MEGF10: variants seen among roughly 807,000 people sequenced by gnomAD.
MEGF10 encodes multiple EGF like domains 10, also known as multiple epidermal growth factor-like domains protein 10.
In MEGF10, 86 loss-of-function variants were observed where a neutral mutation model predicts 147.5. The ratio of observed to expected loss-of-function variants is 0.58; its 90% CI spans 0.49 to 0.70. The LOEUF (loss-of-function observed/expected upper bound fraction) is 0.70, where lower values mean the gene tolerates loss of function less well. MEGF10 is among the 30% of genes least tolerant of loss of function. The pLI is 0.00. For synonymous variants in MEGF10, 478 were observed against 525.5 expected, an observed-to-expected ratio of 0.91 and a Z score of 1.24; for missense variants, 1,329 against 1,487.3, an observed-to-expected ratio of 0.89 and a Z score of 1.75.
chr5:127,356,891 T>C (rs1406354487), intron 4 of MEGF10, among the ~76,000 whole-genome samples: 1 of 152,200 alleles, frequency 6.6e-6, no homozygotes, highest in Non-Finnish European at 1.5e-5. Flanking sequence ...AGTAAAGGCA[T>C]GTCTCAAACT....
At chr5:127,318,862 C>G (rs746460348) in intron 1 of MEGF10, among the ~76,000 whole-genome samples, 1 of 152,102 alleles carries the variant, frequency 6.6e-6, no homozygotes, top group Non-Finnish European at 1.5e-5. Context: ...AATATTTTTA[C>G]GGTACATAAG....
the MEGF10 span, among the ~76,000 whole-genome samples, chr5:127,260,303 C>T: frequency 6.6e-6 from 1 of 152,202 alleles, no homozygotes; most frequent in East Asian, 1.9e-4. Flanking sequence ...TTTCTCTACA[C>T]TGCCTCTGAC....
In MEGF10 at chr5:127,398,648, T is replaced by C. The variant is rs746435319; in HGVS notation, c.660-28T>C. 7.4e-6 allele frequency: 12 copies of C among 1,613,814 alleles called. No individual in the cohort carries two copies. In the South Asian group the frequency reaches 1.1e-4, roughly 15 times the overall value. ...GGGTCATGTGTCTGGGAAATAACAG[T>C]GTCCTTTGTCACATGTTAATCCCTC... On this transcript the variant is annotated intron_variant, in intron 6 of 24. Coordinates refer to ENST00000503335, the MANE Select transcript of MEGF10 (RefSeq NM_001256545.2).
chr5:127,389,121 G>T (rs1317823368), intron 5 of MEGF10, among the ~76,000 whole-genome samples: 1 of 152,170 alleles, frequency 6.6e-6, no homozygotes. Context: ...AGAAAGCCTT[G>T]GGTTTGAGTA....
At chr5:127,328,544 C>T (rs1224556654) in intron 1 of MEGF10, among the ~76,000 whole-genome samples, 2 of 152,120 alleles carry the variant, frequency 1.3e-5, no homozygotes, top group East Asian at 1.9e-4. Context: ...GCATCAGATA[C>T]AAAGCAAGAA....
chr5:127,314,921 G>C (rs1392412846), intron 1 of MEGF10, among the ~76,000 whole-genome samples: 1 of 152,170 alleles, frequency 6.6e-6, no homozygotes, highest in Non-Finnish European at 1.5e-5. Context: ...TATTCATTGT[G>C]ATGGGGTGCA....
the MEGF10 span, among the ~76,000 whole-genome samples, chr5:127,263,393 A>C: frequency 3.3e-5 from 5 of 152,108 alleles, no homozygotes; most frequent in Admixed American, 1.3e-4. Context: ...TCCAGTTATG[A>C]CTAAGCAGGT....
chr5:127,404,479 C>T (rs1393059015), intron 8 of MEGF10, among the ~76,000 whole-genome samples: 2 of 152,110 alleles, frequency 1.3e-5, no homozygotes, highest in Non-Finnish European at 2.9e-5. Context: ...AATACTTTAT[C>T]TCATTCTGTG....
At chr5:127,447,072 A>G (rs940403236) in intron 20 of MEGF10, among the ~76,000 whole-genome samples, 2 of 152,164 alleles carry the variant, frequency 1.3e-5, no homozygotes, top group African/African-American at 2.4e-5. Flanking sequence ...TTAGGAAGGT[A>G]GAGGCCTGTT....
chr5:127,234,222 T>C, the MEGF10 span, among the ~76,000 whole-genome samples: 6 of 152,202 alleles, frequency 3.9e-5, no homozygotes, highest in Admixed American at 6.5e-5. Flanking sequence ...GAAGAAGGTA[T>C]GCACAAAGCA....
the MEGF10 span, among the ~76,000 whole-genome samples, chr5:127,246,943 T>TATTATACAATAACATATAC: frequency 1.0e-3 from 3 of 2,988 alleles, no homozygotes; most frequent in Non-Finnish European, 1.8e-3. Context: ...TATGATTATA[T>TATTATACAATAACATATAC]TATATATAAT....
At chr5:127,423,655 G>A (rs751840230) in intron 13 of MEGF10, among the ~76,000 whole-genome samples, 4 of 151,950 alleles carry the variant, frequency 2.6e-5, no homozygotes, top group Non-Finnish European at 4.4e-5. Flanking sequence ...ACATCTTTCT[G>A]TGCATTTATT....
Position 127,339,156 on chromosome 5 carries a change from C to G in MEGF10, c.153C>G (p.Pro51=), listed in dbSNP as rs774377755. Residue 51 remains proline, a synonymous_variant, in exon 3 of 25, where the codon CCC becomes CCG. Coordinates refer to ENST00000503335, the MANE Select transcript of MEGF10 (RefSeq NM_001256545.2). ...SVTVQESYPH[P]FDQIYYTSCT... ...CTGTGCAAGAGTCATACCCACATCC[C>G]TTTGATCAAATTTACTACACGAGCT... The G allele has an allele frequency of 3.1e-5, 50 of 1,612,474 alleles. No homozygotes were observed. The highest frequency in any genetic ancestry group is 4.2e-5 in the Non-Finnish European group (49 of 1,178,856).
chr5:127,419,647 G>A (rs72790412), intron 11 of MEGF10, among the ~76,000 whole-genome samples: 14,430 of 152,158 alleles, frequency 0.095, 885 homozygotes, highest in Non-Finnish European at 0.13. Context: ...ATGGGGTCCT[G>A]CTTTAAAGAT....
At chr5:127,317,722 G>C (rs1435592710) in intron 1 of MEGF10, among the ~76,000 whole-genome samples, 2 of 152,120 alleles carry the variant, frequency 1.3e-5, no homozygotes. Flanking sequence ...GACACAGGGT[G>C]GGGAGCATCA....
intron 1 of MEGF10, among the ~76,000 whole-genome samples, chr5:127,318,168 T>C (rs534684961): frequency 1.2e-4 from 18 of 152,284 alleles, no homozygotes; most frequent in African/African-American, 4.1e-4. Context: ...GAAGGTACCA[T>C]CTATGAATCA....
chr5:127,309,972 T>TCTTTCTTC (rs1032145486), intron 1 of MEGF10, among the ~76,000 whole-genome samples: 1 of 68,864 alleles, frequency 1.5e-5, no homozygotes, highest in African/African-American at 5.8e-5. Flanking sequence ...TTTCTTTCTT[T>TCTTTCTTC]CTTTCTTTCT....
chr5:127,346,121 C>T (rs1265580800), intron 4 of MEGF10, among the ~76,000 whole-genome samples: 7 of 152,110 alleles, frequency 4.6e-5, no homozygotes, highest in African/African-American at 9.6e-5. Context: ...ATGGGCATTT[C>T]GGCTTGTTCC....
chr5:127,251,106 A>G, the MEGF10 span, among the ~76,000 whole-genome samples: 3 of 152,078 alleles, frequency 2.0e-5, no homozygotes, highest in Non-Finnish European at 1.5e-5. Context: ...ATGCTATTTT[A>G]TTGGTCAAAT....
Sources: allele counts gnomAD v4.1 joint callset (sites outside exome capture counted in the v4.1 genomes callset), GRCh38; gene constraint gnomAD v4.1.1; transcripts MANE v1.5; gene names NCBI Gene and HGNC (gene_info 2026-07-23, HGNC 2026-07-21).